LCMT1: variants seen among roughly 807,000 people sequenced by gnomAD.
LCMT1 encodes leucine carboxyl methyltransferase 1.
Under a neutral mutation model 47.7 loss-of-function variants are expected in LCMT1, and 32 were observed. The ratio of observed to expected loss-of-function variants is 0.67; its 90% CI spans 0.51 to 0.90. The LOEUF is 0.90. LCMT1 is among the 40% of genes least tolerant of loss of function. The pLI is 0.00. For synonymous variants in LCMT1, 152 were observed against 149.7 expected (o/e 1.02, Z -0.11); for missense variants, 375 against 415.2 (o/e 0.90, Z 0.84).
chr16:25,157,716 G>A (rs1403746052), intron 5 of LCMT1, among the ~76,000 whole-genome samples: 1 of 152,200 alleles, frequency 6.6e-6, no homozygotes, highest in Admixed American at 6.5e-5. Flanking sequence ...CTTTGGGTTG[G>A]GTTCATTCAG....
At chr16:25,163,992 G>C (rs1247279895) in intron 6 of LCMT1, among the ~76,000 whole-genome samples, 3 of 152,134 alleles carry the variant, frequency 2.0e-5, no homozygotes, top group African/African-American at 7.2e-5. Flanking sequence ...TGATATTCTG[G>C]AGTTCAGTCA....
intron 3 of LCMT1, among the ~76,000 whole-genome samples, chr16:25,139,666 C>T (rs985983048): frequency 5.3e-5 from 8 of 152,066 alleles, no homozygotes; most frequent in Non-Finnish European, 1.5e-5. Flanking sequence ...GGAGCTCAAG[C>T]TGCCTTTTTT....
intron 5 of LCMT1, among the ~76,000 whole-genome samples, chr16:25,157,548 A>C (rs1031391669): frequency 1.1e-4 from 17 of 151,960 alleles, no homozygotes; most frequent in African/African-American, 4.1e-4. Context: ...CTCAAAAAAA[A>C]CCAGCAACAA....
At chr16:25,133,159 C>A (rs1182437897) in intron 3 of LCMT1, among the ~76,000 whole-genome samples, 1 of 151,990 alleles carries the variant, frequency 6.6e-6, no homozygotes, top group African/African-American at 2.4e-5. Flanking sequence ...CTGCGCCCAG[C>A]CTATATTTGT....
chr16:25,124,854 T>C (rs1960113869), intron 1 of LCMT1, among the ~76,000 whole-genome samples: 1 of 152,238 alleles, frequency 6.6e-6, no homozygotes, highest in South Asian at 2.1e-4. Context: ...ATGCTTATCA[T>C]TTTTGTAGTT....
intron 3 of LCMT1, among the ~76,000 whole-genome samples, chr16:25,134,505 C>A (rs1231999506): frequency 6.6e-6 from 1 of 152,194 alleles, no homozygotes; most frequent in African/African-American, 2.4e-5. Context: ...CATTAAACTC[C>A]GGATTTCTTC....
intron 9 of LCMT1, among the ~76,000 whole-genome samples, chr16:25,174,464 ACTTG>A (rs1961868658): frequency 6.6e-6 from 1 of 152,176 alleles, no homozygotes; most frequent in Non-Finnish European, 1.5e-5. Flanking sequence ...TATGCACATT[ACTTG>A]CTTTTTAAAT....
chr16:25,135,146 T>G (rs528879449), intron 3 of LCMT1, among the ~76,000 whole-genome samples: 1 of 152,096 alleles, frequency 6.6e-6, no homozygotes, highest in East Asian at 1.9e-4. Context: ...TACGTACCCC[T>G]CCTAAGAAAA....
At chr16:25,117,187 A>G (rs1959819025) in intron 1 of LCMT1, among the ~76,000 whole-genome samples, 1 of 152,184 alleles carries the variant, frequency 6.6e-6, no homozygotes, top group African/African-American at 2.4e-5. Context: ...CACAAGGGAC[A>G]TCTTCCTCTC....
Position 25,175,038 on chromosome 16 carries a change from C to T in LCMT1, c.982+4C>T, listed in dbSNP as rs772314659. On this transcript the variant is annotated splice_donor_region_variant and intron_variant, in intron 10 of 10. Transcript: ENST00000399069. ...ACCAAAGGAGGAAATGAGCTTGGTG[C>T]GTGATTGTACTTTTCTTGCCTTGAC... 24 of 1,553,918 alleles carry T rather than the reference C, an allele frequency of 1.5e-5. No individual in the cohort carries two copies. The highest frequency in any genetic ancestry group is 2.7e-5 in the African/African-American group (2 of 73,656).
In LCMT1 at chr16:25,160,468, T is replaced by A. The variant is rs1475651159; in HGVS notation, c.467-634T>A. Among the ~76,000 whole-genome samples the A allele has an allele frequency of 3.9e-5, 6 of 152,228 alleles. No homozygotes were observed. In the East Asian group the frequency reaches 7.7e-4, roughly 20 times the overall value. Reference sequence around the variant, plus strand: ...ACATTAGTACATAAACTGTCTTTTTTAAAACATAACACAAATTGGCGTAAC... The same window carrying A: ...ACATTAGTACATAAACTGTCTTTTTAAAAACATAACACAAATTGGCGTAAC... On this transcript the variant is annotated intron_variant, in intron 5 of 10. Transcript: ENST00000399069.
chr16:25,173,032 C>G (rs913413690), intron 9 of LCMT1, among the ~76,000 whole-genome samples: 1 of 152,210 alleles, frequency 6.6e-6, no homozygotes, highest in African/African-American at 2.4e-5. Context: ...ATTGGAAGGC[C>G]TTTGTCTATG....
chr16:25,173,108 T>C (rs1961823284), intron 9 of LCMT1, among the ~76,000 whole-genome samples: 1 of 152,204 alleles, frequency 6.6e-6, no homozygotes, highest in African/African-American at 2.4e-5. Flanking sequence ...TGCCGGAAAC[T>C]GTAGAGTATA....
chr16:25,138,661 G>A (rs993270531), intron 3 of LCMT1, among the ~76,000 whole-genome samples: 7 of 152,186 alleles, frequency 4.6e-5, no homozygotes, highest in Non-Finnish European at 8.8e-5. Flanking sequence ...AGGCACACAC[G>A]TGTTGATTCA....
At chr16:25,163,266 A>T (rs1349272736) in intron 6 of LCMT1, among the ~76,000 whole-genome samples, 1 of 152,154 alleles carries the variant, frequency 6.6e-6, no homozygotes, top group Non-Finnish European at 1.5e-5. Flanking sequence ...CAAGAGATTG[A>T]GACCAGCCTG....
At chr16:25,116,332 G>A (rs976105262) in intron 1 of LCMT1, among the ~76,000 whole-genome samples, 17 of 152,188 alleles carry the variant, frequency 1.1e-4, no homozygotes, top group African/African-American at 4.1e-4. Flanking sequence ...CTATCAGCTG[G>A]GAGAAAGAGA....
intron 1 of LCMT1, among the ~76,000 whole-genome samples, chr16:25,124,007 G>A (rs943280447): frequency 6.6e-6 from 1 of 152,136 alleles, no homozygotes; most frequent in Non-Finnish European, 1.5e-5. Flanking sequence ...TTGTTTCGCA[G>A]GGGTAAGGAT....
intron 1 of LCMT1, among the ~76,000 whole-genome samples, chr16:25,125,549 G>C (rs1414167319): frequency 6.6e-6 from 1 of 151,940 alleles, no homozygotes; most frequent in Admixed American, 6.6e-5. Context: ...TAATAGTTTT[G>C]TTGGGTCGGG....
At chr16:25,117,374 A>G (rs1959826228) in intron 1 of LCMT1, among the ~76,000 whole-genome samples, 1 of 152,182 alleles carries the variant, frequency 6.6e-6, no homozygotes, top group African/African-American at 2.4e-5. Context: ...GTTGTGTGAC[A>G]TATATACTGT....
Sources: allele counts gnomAD v4.1 joint callset (sites outside exome capture counted in the v4.1 genomes callset), GRCh38; gene constraint gnomAD v4.1.1; transcripts MANE v1.5; gene names NCBI Gene and HGNC (gene_info 2026-07-23, HGNC 2026-07-21).